FAM91A1: variants seen among roughly 807,000 people sequenced by gnomAD.
FAM91A1 encodes the protein protein FAM91A1.
A neutral mutation model predicts 113.5 loss-of-function variants in FAM91A1; 41 were observed. The observed-to-expected ratio is 0.36, with a 90% CI of 0.28 to 0.47. The LOEUF is 0.47. Among genes scored for constraint, FAM91A1 ranks in the 20% least tolerant of loss-of-function variants. The pLI, the probability that FAM91A1 is intolerant of heterozygous loss-of-function variation, is 1.00. For synonymous variants in FAM91A1, 307 were observed against 347.9 expected, an observed-to-expected ratio of 0.88 and a Z score of 1.31; for missense variants, 696 against 1,001.2, an observed-to-expected ratio of 0.70 and a Z score of 4.11.
rs1025452074 is a variant in FAM91A1 at position 123,813,900 on chromosome 8, AT to A, written c.*1197del. The A allele has an allele frequency of 3.5e-4, 71 of 201,556 alleles. No individual in the cohort carries two copies. The highest frequency in any genetic ancestry group is 1.6e-3 in the African/African-American group (66 of 41,854). 12.5% of individuals were successfully genotyped at this position (201,556 alleles called of 1,614,324 possible). A position where few individuals can be genotyped will look rare whatever the true frequency, so the allele number is the denominator to read the frequency against. On this transcript the variant is annotated 3_prime_UTR_variant, in exon 24 of 24. Transcript: ENST00000334705. ...ACCAAACGAACTGGTCAGACAACAT[AT>A]ATCTAAAACACTTAAAATGTTAGGA...
intron 1 of FAM91A1, among the ~76,000 whole-genome samples, chr8:123,772,972 G>A (rs1814890721): frequency 6.6e-6 from 1 of 152,110 alleles, no homozygotes; most frequent in African/African-American, 2.4e-5. Flanking sequence ...AGGAGGAGGA[G>A]GAAATACAGG....
At position 123,780,316 on chromosome 8, in the gene FAM91A1, C is replaced by T. The variant is rs539365165; in HGVS notation, c.641-164C>T. Among the ~76,000 whole-genome samples, 6 of 152,142 alleles carry T rather than the reference C, an allele frequency of 3.9e-5. No individual in the cohort carries two copies. The South Asian group carries it at 6.2e-4, about 16-fold the overall frequency. The stretch of plus-strand genomic sequence containing the variant: ...GTACTTCAGAGTATATGCAGGAAAC[C>T]GAGATTTAAAAACTTTAATTCTTTT... On this transcript the variant is annotated intron_variant, in intron 7 of 23. Transcript: ENST00000334705.
chr8:123,781,710 C>G (rs1463854381), intron 8 of FAM91A1, among the ~76,000 whole-genome samples: 1 of 152,116 alleles, frequency 6.6e-6, no homozygotes, highest in African/African-American at 2.4e-5. Context: ...GTCTTGAACT[C>G]CTGACCTCAA....
At position 123,812,824 on chromosome 8, in the gene FAM91A1, T is replaced by C. The variant is rs565977708; in HGVS notation, c.*120T>C. Reference sequence around the variant, plus strand: ...CAGTGCAATTCTTGCTTAACTAATATTAAAAGTTGGGGAACATATTCATGT... The same window carrying C: ...CAGTGCAATTCTTGCTTAACTAATACTAAAAGTTGGGGAACATATTCATGT... On this transcript the variant is annotated 3_prime_UTR_variant, in exon 24 of 24. Coordinates refer to ENST00000334705, the MANE Select transcript of FAM91A1 (RefSeq NM_144963.4). The C allele has an allele frequency of 1.4e-4, 118 of 868,340 alleles. 2 individuals carry two copies. The South Asian group carries it at 3.0e-3, about 22-fold the overall frequency. The allele number at this position is 868,340 out of a possible 1,614,324, so 53.8% of individuals were successfully genotyped here.
intron 15 of FAM91A1, among the ~76,000 whole-genome samples, 153 bp from the exon 16 acceptor site, chr8:123,797,937 G>T (rs1815571164): frequency 6.6e-6 from 1 of 151,812 alleles, no homozygotes; most frequent in Non-Finnish European, 1.5e-5. Flanking sequence ...GTGTCTTGGT[G>T]GTCTCCTAGG....
At chr8:123,808,817 C>A (rs531833459) in intron 21 of FAM91A1, 76 bp from the exon 22 acceptor site, 20 of 1,357,094 alleles carry the variant, frequency 1.5e-5, no homozygotes, top group Non-Finnish European at 1.8e-5. Context: ...GGTTAAGAAA[C>A]CCTTGTCAGT....
intron 4 of FAM91A1, among the ~76,000 whole-genome samples, 163 bp downstream of exon 4, chr8:123,777,485 A>G (rs1252539797): frequency 6.6e-6 from 1 of 152,228 alleles, no homozygotes; most frequent in African/African-American, 2.4e-5. Context: ...TACCAGATGC[A>G]TGTGTAAGAT....
intron 1 of FAM91A1, among the ~76,000 whole-genome samples, chr8:123,770,265 T>C (rs969997420): frequency 2.0e-5 from 3 of 152,206 alleles, no homozygotes; most frequent in Admixed American, 6.5e-5. Context: ...TGAGGATTGT[T>C]ATAGTTTAGT....
At chr8:123,779,727 A>C (rs145923212) in intron 6 of FAM91A1, among the ~76,000 whole-genome samples, 9 of 152,342 alleles carry the variant, frequency 5.9e-5, no homozygotes, top group African/African-American at 1.9e-4. Flanking sequence ...TTCAATCACA[A>C]GGAACAAATA....
At chr8:123,799,989 T>G in intron 18 of FAM91A1, 104 bp downstream of exon 18, 1 of 988,114 alleles carries the variant, frequency 1.0e-6, no homozygotes, top group Non-Finnish European at 1.5e-6. Flanking sequence ...TTGAAATTTA[T>G]GAAGTTGAAA....
rs1377460303 is a variant in FAM91A1 at position 123,778,540 on chromosome 8, CATG to C, written c.436-117_436-115del. The C allele has an allele frequency of 2.1e-5, 14 of 659,100 alleles. No individual in the cohort carries two copies. The African/African-American group carries it at 2.5e-4, about 12-fold the overall frequency. The allele number at this position is 659,100 out of a possible 1,614,324, so 40.8% of individuals were successfully genotyped here. On this transcript the variant is annotated intron_variant, in intron 5 of 23. Transcript: ENST00000334705. The stretch of plus-strand genomic sequence containing the variant: ...ATCTAGAATTGTTAAGATTTTAAAA[CATG>C]AAGATTTTAAGAAGATATTTATTTA...
intron 18 of FAM91A1, among the ~76,000 whole-genome samples, chr8:123,802,926 C>G (rs1815721653): frequency 6.6e-6 from 1 of 152,190 alleles, no homozygotes; most frequent in African/African-American, 2.4e-5. Context: ...AGGAAGATCT[C>G]AGAAAACGTT....
chr8:123,810,446 A>T, intron 23 of FAM91A1, 95 bp downstream of exon 23: 1 of 1,068,902 alleles, frequency 9.4e-7, no homozygotes, highest in Non-Finnish European at 1.4e-6. Flanking sequence ...CAGCAGCAAG[A>T]TATGAAATAA....
chr8:123,802,668 G>C (rs1189585855), intron 18 of FAM91A1, among the ~76,000 whole-genome samples: 1 of 152,222 alleles, frequency 6.6e-6, no homozygotes, highest in African/African-American at 2.4e-5. Context: ...GAAACCATGA[G>C]AGGATGAAAT....
chr8:123,769,675 A>G (rs1814791078), intron 1 of FAM91A1, among the ~76,000 whole-genome samples: 1 of 152,216 alleles, frequency 6.6e-6, no homozygotes, highest in Non-Finnish European at 1.5e-5. Flanking sequence ...AGTCAACAAG[A>G]CAAAGACTGC....
At chr8:123,798,377 A>G in intron 16 of FAM91A1, 139 bp downstream of exon 16, 2 of 942,408 alleles carry the variant, frequency 2.1e-6, no homozygotes, top group Admixed American at 3.1e-5. Context: ...TTGTAAGATG[A>G]TATGTTCAAT....
intron 12 of FAM91A1, 131 bp from the exon 13 acceptor site, chr8:123,787,130 C>A: frequency 1.5e-6 from 1 of 670,012 alleles, no homozygotes; most frequent in Non-Finnish European, 2.6e-6. Flanking sequence ...CTTCTTATGG[C>A]TATAATAGTG....
chr8:123,813,675 T>G lies in FAM91A1; in HGVS notation c.*971T>G, dbSNP rs1304124163. On this transcript the variant is annotated 3_prime_UTR_variant, in exon 24 of 24. Transcript: ENST00000334705. ...GATCTTAAATTTATGTGAATACTTT[T>G]TTAGAAAATGATAAAGAAAAATGGA... The G allele has an allele frequency of 6.6e-6, 1 of 152,278 alleles. No homozygotes were observed. Among genetic ancestry groups the G allele is most frequent in the African/African-American group, 2.4e-5 (1 of 41,478 alleles). The allele number at this position is 152,278 out of a possible 1,614,324, so 9.4% of individuals were successfully genotyped here. A position where few individuals can be genotyped will look rare whatever the true frequency, so the allele number is the denominator to read the frequency against.
intron 1 of FAM91A1, among the ~76,000 whole-genome samples, chr8:123,771,746 G>C (rs1426089371): frequency 6.6e-6 from 1 of 152,104 alleles, no homozygotes; most frequent in Non-Finnish European, 1.5e-5. Context: ...TGCGGCACAG[G>C]GGTGTACTTG....
Sources: allele counts gnomAD v4.1 joint callset (sites outside exome capture counted in the v4.1 genomes callset), GRCh38; gene constraint gnomAD v4.1.1; transcripts MANE v1.5; gene names NCBI Gene and HGNC (gene_info 2026-07-23, HGNC 2026-07-21).